The following MTMR7 variants were observed in gnomAD, a reference collection of about 807,000 sequenced individuals.
The protein encoded by MTMR7 is myotubularin related protein 7.
In MTMR7, 76 loss-of-function variants were observed where a neutral mutation model predicts 81.2. The ratio of observed to expected loss-of-function variants is 0.94; its 90% CI spans 0.78 to 1.13. The LOEUF is 1.13. MTMR7 is among the 50% of genes most tolerant of loss of function. The probability of loss-of-function intolerance (pLI) is 0.00; values close to 1 mark genes in which losing one functional copy is unlikely to be tolerated. For synonymous variants in MTMR7, 372 were observed against 289.8 expected, an observed-to-expected ratio of 1.28 and a Z score of -2.88; for missense variants, 1,044 against 820.0, an observed-to-expected ratio of 1.27 and a Z score of -3.34.
rs193095142 is a variant in MTMR7, at chr8:17,307,982, A to G, written c.1151+1295T>C. Reference sequence around the variant, plus strand: ...CAGCACACCAACATGGCACATGTATATATATGTAACAAACCTGCACGTTGT... The same window carrying G: ...CAGCACACCAACATGGCACATGTATGTATATGTAACAAACCTGCACGTTGT... On this transcript the variant is annotated intron_variant, in intron 10 of 13. Transcript: ENST00000180173. Among the ~76,000 whole-genome samples, 314 of 152,304 alleles carry G rather than the reference A, an allele frequency of 2.1e-3. 4 individuals carry two copies. The highest frequency in any genetic ancestry group is 0.019 in the Admixed American group (292 of 15,302).
chr8:17,362,897 G>A (rs529280108), intron 3 of MTMR7, among the ~76,000 whole-genome samples: 5 of 152,244 alleles, frequency 3.3e-5, no homozygotes, highest in African/African-American at 1.2e-4. Context: ...TCATCTGCAT[G>A]GAAGAGGAAA....
At chr8:17,397,921 A>G (rs1050593603) in intron 1 of MTMR7, among the ~76,000 whole-genome samples, 1 of 152,172 alleles carries the variant, frequency 6.6e-6, no homozygotes, top group Non-Finnish European at 1.5e-5. Context: ...GAAAAAGACT[A>G]TCTCTCTGAT....
At chr8:17,399,556 A>G (rs1821360368) in intron 1 of MTMR7, among the ~76,000 whole-genome samples, 2 of 152,208 alleles carry the variant, frequency 1.3e-5, no homozygotes, top group Admixed American at 1.3e-4. Flanking sequence ...CATACAACCC[A>G]AAGTAATCTA....
At chr8:17,322,404 T>A (rs955571897) in intron 7 of MTMR7, among the ~76,000 whole-genome samples, 1 of 152,252 alleles carries the variant, frequency 6.6e-6, no homozygotes. Flanking sequence ...TATATGAATG[T>A]GAATTTTTGT....
intron 1 of MTMR7, among the ~76,000 whole-genome samples, chr8:17,384,730 G>C (rs1454355531): frequency 6.6e-6 from 1 of 152,166 alleles, no homozygotes; most frequent in African/African-American, 2.4e-5. Flanking sequence ...TAAAGTTACT[G>C]AAACAAAAGG....
chr8:17,382,196 G>C (rs930363394), intron 1 of MTMR7, among the ~76,000 whole-genome samples: 1 of 152,216 alleles, frequency 6.6e-6, no homozygotes, highest in Non-Finnish European at 1.5e-5. Context: ...TGCTCTAACA[G>C]CCTCTGAAGC....
At chr8:17,309,070 A>G (rs1167631250) in intron 10 of MTMR7, among the ~76,000 whole-genome samples, 1 of 152,244 alleles carries the variant, frequency 6.6e-6, no homozygotes, top group Non-Finnish European at 1.5e-5. Context: ...ACAAGTTAAC[A>G]TTAGTTAGTT....
intron 5 of MTMR7, among the ~76,000 whole-genome samples, chr8:17,341,951 C>T (rs1471183016): frequency 6.7e-6 from 1 of 149,680 alleles, no homozygotes; most frequent in Non-Finnish European, 1.5e-5. Context: ...CATCTAGAAA[C>T]ATCACAAATA....
chr8:17,328,589 G>C (rs1818821911), intron 7 of MTMR7, among the ~76,000 whole-genome samples: 1 of 152,094 alleles, frequency 6.6e-6, no homozygotes, highest in Non-Finnish European at 1.5e-5. Flanking sequence ...AGTGGAGGGA[G>C]AGCATAAGGA....
rs1816878830 is a variant in MTMR7 at position 17,298,389 on chromosome 8, T to C, written c.*1473A>G. On this transcript the variant is annotated 3_prime_UTR_variant, in exon 14 of 14. Transcript: ENST00000180173. ...ACAGTACTTTTAAATCACAGTTCTC[T>C]AATATATTCTATATTTTTAAATATG... 1 of 152,142 alleles carries C rather than the reference T, an allele frequency of 6.6e-6. No homozygotes were observed. Among genetic ancestry groups the C allele is most frequent in the African/African-American group, 2.4e-5 (1 of 41,462 alleles). 9.4% of individuals were successfully genotyped at this position (152,142 alleles called of 1,614,324 possible). A position where few individuals can be genotyped will look rare whatever the true frequency, so the allele number is the denominator to read the frequency against.
intron 3 of MTMR7, among the ~76,000 whole-genome samples, chr8:17,369,833 G>A (rs185588100): frequency 6.6e-6 from 1 of 151,676 alleles, no homozygotes; most frequent in Non-Finnish European, 1.5e-5. Flanking sequence ...TTTTAGTAGA[G>A]ACGGGGTTTC....
At chr8:17,396,420 G>T (rs568336229) in intron 1 of MTMR7, among the ~76,000 whole-genome samples, 1 of 152,188 alleles carries the variant, frequency 6.6e-6, no homozygotes, top group African/African-American at 2.4e-5. Flanking sequence ...CGTGGAAAAA[G>T]AATCTGTGCA....
intron 4 of MTMR7, among the ~76,000 whole-genome samples, chr8:17,354,067 A>G (rs1262023608): frequency 6.6e-6 from 1 of 152,182 alleles, no homozygotes; most frequent in Non-Finnish European, 1.5e-5. Context: ...CTAAGATGCA[A>G]TCCAAAAGTG....
chr8:17,394,065 T>G (rs1821179739), intron 1 of MTMR7, among the ~76,000 whole-genome samples: 1 of 152,194 alleles, frequency 6.6e-6, no homozygotes, highest in South Asian at 2.1e-4. Flanking sequence ...GGTGAGGATA[T>G]GGAGATACTG....
chr8:17,313,164 T>C (rs1817884258), intron 8 of MTMR7, 128 bp downstream of exon 8: 1 of 601,020 alleles, frequency 1.7e-6, no homozygotes, highest in African/African-American at 1.8e-5. Flanking sequence ...TACGGAGCTC[T>C]ACAAAGCTGG....
intron 7 of MTMR7, among the ~76,000 whole-genome samples, chr8:17,320,669 G>A (rs751033028): frequency 3.9e-5 from 6 of 152,194 alleles, no homozygotes; most frequent in Non-Finnish European, 8.8e-5. Flanking sequence ...TGCCAGCCCC[G>A]AGTTAAAACT....
At chr8:17,343,199 G>A (rs2150544011) in intron 5 of MTMR7, among the ~76,000 whole-genome samples, 1 of 152,256 alleles carries the variant, frequency 6.6e-6, no homozygotes, top group East Asian at 1.9e-4. Flanking sequence ...GGCCGAGGCG[G>A]GGGGATAACT....
intron 7 of MTMR7, 122 bp from the exon 8 acceptor site, chr8:17,313,523 GC>G (rs1817903049): frequency 1.0e-4 from 53 of 516,920 alleles, no homozygotes; most frequent in Non-Finnish European, 1.5e-4. Context: ...CTGGAAGCAA[GC>G]CTTAAGTCAA....
chr8:17,339,615 C>T (rs1819348785), intron 6 of MTMR7, among the ~76,000 whole-genome samples: 1 of 152,204 alleles, frequency 6.6e-6, no homozygotes, highest in Admixed American at 6.5e-5. Context: ...TAATATTCCA[C>T]TGAATGGACA....
Sources: allele counts gnomAD v4.1 joint callset (sites outside exome capture counted in the v4.1 genomes callset), GRCh38; gene constraint gnomAD v4.1.1; transcripts MANE v1.5; gene names NCBI Gene and HGNC (gene_info 2026-07-23, HGNC 2026-07-21).